Variants in TAFA4 observed in about 807,000 individuals in gnomAD.
TAFA4 encodes the protein TAFA chemokine like family member 4, also known as chemokine-like protein TAFA-4.
In TAFA4, 20 loss-of-function variants were observed where a neutral mutation model predicts 21.1. The ratio of observed to expected loss-of-function variants is 0.95; its 90% CI spans 0.67 to 1.38. TAFA4 has a LOEUF of 1.38. Ranked by LOEUF, TAFA4 falls within the 40% of genes most tolerant of loss-of-function variation. The pLI is 0.00. For synonymous variants in TAFA4, 71 were observed against 67.4 expected (o/e 1.05, Z -0.26); for missense variants, 211 against 180.9 (o/e 1.17, Z -0.95).
At chr3:68,852,392 G>GT in intron 3 of TAFA4, among the ~76,000 whole-genome samples, 1 of 152,276 alleles carries the variant, frequency 6.6e-6, no homozygotes, top group Non-Finnish European at 1.5e-5. Context: ...CTATTCCTGT[G>GT]TGGAGGCCTG....
chr3:68,890,036 T>C (rs1185723615), intron 1 of TAFA4, among the ~76,000 whole-genome samples: 1 of 152,228 alleles, frequency 6.6e-6, no homozygotes, highest in Non-Finnish European at 1.5e-5. Context: ...CTCATTTTGA[T>C]CCTCATACTG....
At chr3:68,741,395 G>C (rs1418882822) in intron 4 of TAFA4, among the ~76,000 whole-genome samples, 1 of 152,104 alleles carries the variant, frequency 6.6e-6, no homozygotes, top group Non-Finnish European at 1.5e-5. Context: ...AAATAGGATT[G>C]CTTCCTTAAT....
At chr3:68,782,176 A>C (rs1456118098) in intron 3 of TAFA4, among the ~76,000 whole-genome samples, 3 of 152,216 alleles carry the variant, frequency 2.0e-5, no homozygotes, top group Non-Finnish European at 4.4e-5. Context: ...CAAACAACCC[A>C]ACTTATAAAG....
In TAFA4 at chr3:68,748,373, C is replaced by A. The variant is rs566782812; in HGVS notation, c.286+4490G>T. Among the ~76,000 whole-genome samples the A allele has an allele frequency of 1.9e-4, 29 of 152,322 alleles. No individual in the cohort carries two copies. In the South Asian group the frequency reaches 6.0e-3, roughly 32 times the overall value. The stretch of plus-strand genomic sequence containing the variant: ...TGTAAAGACAGACCCTATGTCTCAT[C>A]ACACAGCCCATAAAGCCATGAAACT... On this transcript the variant is annotated intron_variant, in intron 4 of 5. Transcript: ENST00000295569.
intron 4 of TAFA4, among the ~76,000 whole-genome samples, chr3:68,744,801 G>T (rs1702424109): frequency 6.6e-6 from 1 of 152,140 alleles, no homozygotes; most frequent in Admixed American, 6.5e-5. Context: ...GACCAAGACA[G>T]AACTCTTATG....
intron 5 of TAFA4, among the ~76,000 whole-genome samples, chr3:68,737,214 G>T (rs1047774204): frequency 6.6e-6 from 1 of 151,990 alleles, no homozygotes; most frequent in Non-Finnish European, 1.5e-5. Context: ...CCTAATTCGT[G>T]GGCTACTCCA....
chr3:68,798,461 C>A (rs1703500220), intron 3 of TAFA4, among the ~76,000 whole-genome samples: 1 of 151,996 alleles, frequency 6.6e-6, no homozygotes, highest in African/African-American at 2.4e-5. Context: ...ATAAGTAGAA[C>A]CCTATTAGAA....
chr3:68,891,446 T>A (rs2089729844), intron 1 of TAFA4, among the ~76,000 whole-genome samples: 1 of 152,128 alleles, frequency 6.6e-6, no homozygotes, highest in African/African-American at 2.4e-5. Flanking sequence ...AATTAGCTAT[T>A]TCCAGACTCA....
rs867966396 is a variant in TAFA4 at position 68,752,947 on chromosome 3, C to G, written c.202G>C (p.Glu68Gln). The G allele has an allele frequency of 6.2e-7, 1 of 1,614,068 alleles. No homozygotes were observed. Among genetic ancestry groups the G allele is most frequent in the Admixed American group, 1.7e-5 (1 of 60,022 alleles). ...CACTTGACCGTTTGTGACCGCTCTT[C>G]TATGCGGTTCTTATTGCAGCACCTG... ...VHRCCNKNRI[E>Q]ERSQTVKCSC... Residue 68 changes from glutamate to glutamine, a missense_variant, in exon 4 of 6, where the codon GAA (glutamate) becomes CAA (glutamine). Glu to Gln is a conservative substitution (Grantham distance 29, BLOSUM62 2). Transcript: ENST00000295569.
chr3:68,901,316 TAA>T, intron 1 of TAFA4, among the ~76,000 whole-genome samples: 1 of 144,128 alleles, frequency 6.9e-6, no homozygotes, highest in South Asian at 2.2e-4. Flanking sequence ...CTATTTCACT[TAA>T]AAAAAAAAAA....
chr3:68,829,162 C>A (rs1704319780), intron 3 of TAFA4, among the ~76,000 whole-genome samples: 1 of 152,162 alleles, frequency 6.6e-6, no homozygotes, highest in South Asian at 2.1e-4. Flanking sequence ...TACAAGGCTA[C>A]AGTAACCAAA....
chr3:68,787,581 C>T (rs1005550447), intron 3 of TAFA4, among the ~76,000 whole-genome samples: 3 of 152,104 alleles, frequency 2.0e-5, no homozygotes, highest in African/African-American at 7.2e-5. Flanking sequence ...TCACGGGACT[C>T]GTCCTTGAGC....
At chr3:68,812,967 C>T (rs1186777751) in intron 3 of TAFA4, among the ~76,000 whole-genome samples, 1 of 152,120 alleles carries the variant, frequency 6.6e-6, no homozygotes, top group African/African-American at 2.4e-5. Flanking sequence ...GAAATTATAA[C>T]AAACTGTCTC....
At chr3:68,917,299 C>T (rs1324124549) in intron 1 of TAFA4, among the ~76,000 whole-genome samples, 1 of 152,122 alleles carries the variant, frequency 6.6e-6, no homozygotes, top group Non-Finnish European at 1.5e-5. Context: ...TGACAGATTT[C>T]AGATATAAAC....
chr3:68,868,214 T>C (rs1205827578), intron 3 of TAFA4, among the ~76,000 whole-genome samples: 1 of 152,032 alleles, frequency 6.6e-6, no homozygotes, highest in East Asian at 1.9e-4. Flanking sequence ...ATACCAGTTA[T>C]AGGCTTCAAG....
At chr3:68,749,023 AAAG>A (rs1559758138) in intron 4 of TAFA4, among the ~76,000 whole-genome samples, 1 of 152,204 alleles carries the variant, frequency 6.6e-6, no homozygotes, top group Non-Finnish European at 1.5e-5. Context: ...GAAGATTCAC[AAAG>A]AAGAATGCTT....
At chr3:68,887,567 G>C (rs912981495) in intron 1 of TAFA4, among the ~76,000 whole-genome samples, 1 of 152,104 alleles carries the variant, frequency 6.6e-6, no homozygotes, top group Non-Finnish European at 1.5e-5. Context: ...ACATCTTTTG[G>C]AATCTATGTG....
At chr3:68,888,065 T>C (rs1255736505) in intron 1 of TAFA4, among the ~76,000 whole-genome samples, 2 of 152,132 alleles carry the variant, frequency 1.3e-5, no homozygotes, top group Non-Finnish European at 2.9e-5. Context: ...CTCATTTTAC[T>C]GTAAGCACCC....
At chr3:68,779,565 G>A (rs1703115174) in intron 3 of TAFA4, among the ~76,000 whole-genome samples, 1 of 152,138 alleles carries the variant, frequency 6.6e-6, no homozygotes, top group Non-Finnish European at 1.5e-5. Flanking sequence ...ATGACTCAAG[G>A]GGCCAAAGTA....
Sources: allele counts gnomAD v4.1 joint callset (sites outside exome capture counted in the v4.1 genomes callset), GRCh38; gene constraint gnomAD v4.1.1; transcripts MANE v1.5; gene names NCBI Gene and HGNC (gene_info 2026-07-23, HGNC 2026-07-21).